The following ZFAND3 variants were observed in gnomAD, a reference collection of about 807,000 sequenced individuals.
ZFAND3 encodes the protein zinc finger AN1-type containing 3.
ZFAND3 carries 10 observed loss-of-function variants against 29.6 expected under a neutral mutation model. The observed-to-expected ratio is 0.34, with a 90% confidence interval of 0.21 to 0.57. The LOEUF (loss-of-function observed/expected upper bound fraction) is 0.57, where lower values mean the gene tolerates loss of function less well. ZFAND3 is among the 20% of genes least tolerant of loss of function. The pLI is 0.86. For synonymous variants in ZFAND3, 128 were observed against 112.6 expected (o/e 1.14, Z -0.87); for missense variants, 230 against 304.5 (o/e 0.76, Z 1.82).
At chr6:38,073,520 T>C (rs1764496736) in intron 3 of ZFAND3, among the ~76,000 whole-genome samples, 1 of 152,138 alleles carries the variant, frequency 6.6e-6, no homozygotes. Flanking sequence ...GCCCCTAATT[T>C]TGTATTCGTA....
rs529627622 is a variant in ZFAND3 at position 37,951,858 on chromosome 6, A to G, written c.112+21859A>G. ...TCATAGATGGCTATTATTTTGAGGT[A>G]TGTTCCTTCAGTGCTTAGTTTGTTG... is the stretch of plus-strand genomic sequence containing the variant. On this transcript the variant is annotated intron_variant, in intron 2 of 5. Coordinates refer to ENST00000287218, the MANE Select transcript of ZFAND3 (RefSeq NM_021943.3). Among the ~76,000 whole-genome samples the G allele has an allele frequency of 2.0e-5, 3 of 152,238 alleles. No individual in the cohort carries two copies. In the East Asian group the frequency reaches 5.8e-4, roughly 29 times the overall value.
chr6:38,096,691 G>C (rs1764987474), intron 4 of ZFAND3, among the ~76,000 whole-genome samples: 1 of 152,008 alleles, frequency 6.6e-6, no homozygotes, highest in African/African-American at 2.4e-5. Flanking sequence ...TTAGATGTTG[G>C]AAGTGCTATT....
intron 5 of ZFAND3, among the ~76,000 whole-genome samples, chr6:38,131,569 AG>A (rs1348875291): frequency 6.6e-6 from 1 of 152,240 alleles, no homozygotes; most frequent in Admixed American, 6.5e-5. Context: ...CACATCAATG[AG>A]GTTTCATATT....
intron 5 of ZFAND3, among the ~76,000 whole-genome samples, chr6:38,130,612 A>G (rs1159267135): frequency 6.6e-6 from 1 of 152,120 alleles, no homozygotes; most frequent in Non-Finnish European, 1.5e-5. Flanking sequence ...GGTATATCCC[A>G]TTTATTGACT....
intron 2 of ZFAND3, among the ~76,000 whole-genome samples, chr6:38,055,864 A>C (rs1256783514): frequency 6.6e-6 from 1 of 152,240 alleles, no homozygotes; most frequent in Non-Finnish European, 1.5e-5. Context: ...AATACTTTTA[A>C]ATGTAATCCA....
At chr6:37,969,652 G>A (rs1444778726) in intron 2 of ZFAND3, among the ~76,000 whole-genome samples, 1 of 152,128 alleles carries the variant, frequency 6.6e-6, no homozygotes, top group Non-Finnish European at 1.5e-5. Context: ...TGAACATCAG[G>A]GAATGTCTGT....
At chr6:38,119,149 A>C (rs2127486040) in intron 5 of ZFAND3, among the ~76,000 whole-genome samples, 1 of 152,306 alleles carries the variant, frequency 6.6e-6, no homozygotes, top group Admixed American at 6.5e-5. Context: ...GTCACCCTTC[A>C]AAAGATGAAG....
chr6:38,142,413 G>A, intron 5 of ZFAND3: 6 of 465,222 alleles, frequency 1.3e-5, no homozygotes, highest in Non-Finnish European at 2.2e-5. Context: ...TGAGCCATGT[G>A]TCAGGAGCCT....
At chr6:38,141,945 C>T (rs146464677) in intron 5 of ZFAND3, among the ~76,000 whole-genome samples, 110 of 152,292 alleles carry the variant, frequency 7.2e-4, no homozygotes, top group African/African-American at 2.5e-3. Context: ...CATTTATGCC[C>T]GTAACAGCCC....
intron 2 of ZFAND3, among the ~76,000 whole-genome samples, chr6:37,952,564 A>G (rs1055547287): frequency 2.6e-5 from 4 of 151,716 alleles, no homozygotes; most frequent in African/African-American, 9.7e-5. Context: ...TCCTCTTGTC[A>G]TTTATGATTG....
chr6:37,894,763 T>A (rs1333674768), intron 1 of ZFAND3, among the ~76,000 whole-genome samples: 1 of 152,200 alleles, frequency 6.6e-6, no homozygotes, highest in Non-Finnish European at 1.5e-5. Context: ...TTGAAATATA[T>A]TTTTGCTGAG....
chr6:38,016,291 A>G (rs1480070773), intron 2 of ZFAND3, among the ~76,000 whole-genome samples: 1 of 152,346 alleles, frequency 6.6e-6, no homozygotes, highest in African/African-American at 2.4e-5. Flanking sequence ...TCAATATATG[A>G]TAGCTTCATT....
intron 2 of ZFAND3, among the ~76,000 whole-genome samples, chr6:38,026,939 G>T (rs552593895): frequency 1.3e-5 from 2 of 152,124 alleles, no homozygotes; most frequent in Non-Finnish European, 2.9e-5. Context: ...CTAAGTTTTT[G>T]AATCAATTAG....
chr6:37,880,211 A>G (rs1437909043), intron 1 of ZFAND3, among the ~76,000 whole-genome samples: 2 of 152,226 alleles, frequency 1.3e-5, no homozygotes, highest in Admixed American at 1.3e-4. Context: ...CATATTTCAA[A>G]ACTGTATTAA....
chr6:37,929,886 C>G (rs995993663), intron 1 of ZFAND3, 73 bp from the exon 2 acceptor site: 1 of 1,418,118 alleles, frequency 7.1e-7, no homozygotes, highest in African/African-American at 1.4e-5. Context: ...ACGTTTCTGA[C>G]ATCTTATGTT....
intron 5 of ZFAND3, among the ~76,000 whole-genome samples, chr6:38,143,699 CTT>C (rs1328722743): frequency 6.6e-6 from 1 of 152,228 alleles, no homozygotes; most frequent in Non-Finnish European, 1.5e-5. Flanking sequence ...TTCACTGTGG[CTT>C]TGGTTCCAGT....
At chr6:37,998,824 AG>A (rs1181310271) in intron 2 of ZFAND3, among the ~76,000 whole-genome samples, 1 of 152,172 alleles carries the variant, frequency 6.6e-6, no homozygotes, top group Non-Finnish European at 1.5e-5. Flanking sequence ...GAATTAGAGA[AG>A]GATATATCAG....
intron 5 of ZFAND3, among the ~76,000 whole-genome samples, chr6:38,136,761 G>GT (rs1014014623): frequency 1.3e-5 from 2 of 152,198 alleles, no homozygotes; most frequent in African/African-American, 4.8e-5. Flanking sequence ...CACACACCCA[G>GT]TGCTGTTCTT....
At chr6:38,127,086 C>T (rs1299474573) in intron 5 of ZFAND3, among the ~76,000 whole-genome samples, 1 of 152,000 alleles carries the variant, frequency 6.6e-6, no homozygotes, top group African/African-American at 2.4e-5. Flanking sequence ...ATCTATATGC[C>T]TTTTATTTCT....
Sources: allele counts gnomAD v4.1 joint callset (sites outside exome capture counted in the v4.1 genomes callset), GRCh38; gene constraint gnomAD v4.1.1; transcripts MANE v1.5; gene names NCBI Gene and HGNC (gene_info 2026-07-23, HGNC 2026-07-21).